Variants in LYAR observed in about 807,000 individuals in gnomAD.
LYAR encodes cell growth-regulating nucleolar protein.
Under a neutral mutation model 45.2 loss-of-function variants are expected in LYAR, and 37 were observed. The ratio of observed to expected loss-of-function variants is 0.82; its 90% CI spans 0.63 to 1.08. LYAR has a LOEUF of 1.08. Ranked by LOEUF, LYAR falls within the 50% of genes least tolerant of loss-of-function variation. The pLI is 0.00. For synonymous variants in LYAR, 176 were observed against 155.1 expected, an observed-to-expected ratio of 1.14 and a Z score of -1.00; for missense variants, 493 against 451.0, an observed-to-expected ratio of 1.09 and a Z score of -0.84.
rs1220084939 is a variant in LYAR at position 4,279,733 on chromosome 4, A to G, written c.254T>C (p.Ile85Thr). Residue 85 changes from isoleucine to threonine, a missense_variant, in exon 5 of 10, where the codon ATA becomes ACA. Transcript: ENST00000343470. The stretch of plus-strand genomic sequence containing the variant: ...TTTGGGGCTGACATTGGGTCTCTTT[A>G]TTAATTCACTAATTTTCTACAAAAA... ...QAWIQKISEL[I>T]KRPNVSPKVR... 1 of 1,602,172 alleles carries G rather than the reference A, an allele frequency of 6.2e-7. No homozygotes were observed. Among genetic ancestry groups the G allele is most frequent in the Admixed American group, 1.7e-5 (1 of 58,354 alleles).
At chr4:4,279,917 G>A (rs1482730472) in intron 4 of LYAR, among the ~76,000 whole-genome samples, 168 bp from the exon 5 acceptor site, 1 of 152,150 alleles carries the variant, frequency 6.6e-6, no homozygotes, top group Non-Finnish European at 1.5e-5. Context: ...TATTAACATA[G>A]TACTGGAGTC....
Position 4,274,694 on chromosome 4 carries a change from C to T in LYAR, c.505G>A (p.Val169Ile), listed in dbSNP as rs956087186. 1 of 1,614,046 alleles carries T rather than the reference C, an allele frequency of 6.2e-7. No homozygotes were observed. Among genetic ancestry groups the T allele is most frequent in the Admixed American group, 1.7e-5 (1 of 59,998 alleles). The part of the protein sequence containing the change: ...ANPHAEISTK[V>I]PASKVKDAVE... ...GCGTCTTTCACTTTGGAGGCTGGAA[C>T]CTTGGTGGAGATTTCTGCATGTGGA... Residue 169 changes from valine (V) to isoleucine (I), a missense_variant, in exon 7 of 10, where the codon GTT becomes ATT. Coordinates refer to ENST00000343470, the MANE Select transcript of LYAR (RefSeq NM_017816.3).
chr4:4,282,070 C>T (rs1230963740), intron 3 of LYAR, among the ~76,000 whole-genome samples, 173 bp from the exon 4 acceptor site: 8 of 152,226 alleles, frequency 5.3e-5, no homozygotes, highest in African/African-American at 1.9e-4. Context: ...GTCAGAACCA[C>T]ATCCCCCTTC....
intron 6 of LYAR, 151 bp downstream of exon 6, chr4:4,279,296 C>A (rs1034856280): frequency 3.3e-6 from 2 of 597,714 alleles, no homozygotes; most frequent in Admixed American, 3.0e-5. Flanking sequence ...CGCACCACTG[C>A]ACTGCAGCCT....
chr4:4,269,771 TG>T (rs1718860867), intron 8 of LYAR, among the ~76,000 whole-genome samples: 1 of 152,182 alleles, frequency 6.6e-6, no homozygotes, highest in Non-Finnish European at 1.5e-5. Flanking sequence ...CAATAAAAAA[TG>T]TAAGACTAGG....
At chr4:4,277,963 C>T (rs1719253647) in intron 6 of LYAR, among the ~76,000 whole-genome samples, 1 of 152,196 alleles carries the variant, frequency 6.6e-6, no homozygotes, top group African/African-American at 2.4e-5. Flanking sequence ...CTGCGTTTCG[C>T]AGAGCTCAGG....
chr4:4,282,455 G>A (rs116576773), intron 3 of LYAR, among the ~76,000 whole-genome samples: 2,749 of 152,226 alleles, frequency 0.018, 72 homozygotes, highest in African/African-American at 0.061. Context: ...GTCCCCTAAT[G>A]AAAACTCAAT....
chr4:4,288,555 G>A (rs1423861876), intron 1 of LYAR, among the ~76,000 whole-genome samples: 1 of 147,154 alleles, frequency 6.8e-6, no homozygotes, highest in Non-Finnish European at 1.5e-5. Context: ...GCGCAATCTC[G>A]GCTCACTGCA....
At chr4:4,288,673 A>G (rs529374723) in intron 1 of LYAR, among the ~76,000 whole-genome samples, 1 of 152,072 alleles carries the variant, frequency 6.6e-6, no homozygotes, top group Non-Finnish European at 1.5e-5. Flanking sequence ...TTTAGTAGAG[A>G]CGGAGTTTCA....
intron 8 of LYAR, among the ~76,000 whole-genome samples, chr4:4,270,501 T>C (rs993147590): frequency 2.7e-5 from 4 of 147,394 alleles, no homozygotes; most frequent in Non-Finnish European, 6.0e-5. Flanking sequence ...GAGTACTATT[T>C]AGAATAAATT....
At position 4,283,646 on chromosome 4, in the gene LYAR, A is replaced by C. The variant is rs1341325881; in HGVS notation, c.97T>G (p.Cys33Gly). ...SVCRNCECLS[C>G]IDCGKDFWGD... is the part of the protein sequence containing the mutation. ...CAGAAATCTTTACCGCAGTCAATGCAAGAAAGGCATTCACAGTTTCTGCAA... is the reference window on the plus strand; with the variant it reads ...CAGAAATCTTTACCGCAGTCAATGCCAGAAAGGCATTCACAGTTTCTGCAA... Residue 33 changes from cysteine (C) to glycine (G), a missense_variant, in exon 3 of 10, where the codon TGC becomes GGC. Physicochemically the swap from Cys to Gly is radical, Grantham distance 159. Transcript: ENST00000343470. 3 of 1,612,732 alleles carry C rather than the reference A, an allele frequency of 1.9e-6. No homozygotes were observed. Among genetic ancestry groups the C allele is most frequent in the Non-Finnish European group, 2.5e-6 (3 of 1,179,874 alleles).
At chr4:4,272,944 A>T (rs1344595012) in intron 8 of LYAR, among the ~76,000 whole-genome samples, 1 of 152,316 alleles carries the variant, frequency 6.6e-6, no homozygotes, top group East Asian at 1.9e-4. Flanking sequence ...GGCCTGAAGA[A>T]GCAGGAGAGA....
At position 4,273,657 on chromosome 4, in the gene LYAR, G is replaced by C. The variant is rs372542576; in HGVS notation, c.845C>G (p.Ser282Cys). 4 of 1,609,566 alleles carry C rather than the reference G, an allele frequency of 2.5e-6. No individual in the cohort carries two copies. In the African/African-American group the frequency reaches 5.4e-5, roughly 22 times the overall value. Residue 282 changes from serine to cysteine, a missense_variant, in exon 8 of 10, where the codon TCT (serine) becomes TGT (cysteine). Coordinates refer to ENST00000343470, the MANE Select transcript of LYAR (RefSeq NM_017816.3). ...KRRHSEVETD[S>C]KKKKMKLPEH... ...TGGGAGCTTCATCTTTTTCTTCTTA[G>C]AATCTGTTTCAACTAAGTATTTGGA...
intron 8 of LYAR, chr4:4,269,077 C>T (rs1158465273): frequency 2.0e-5 from 3 of 153,608 alleles, no homozygotes; most frequent in African/African-American, 7.2e-5. Context: ...CTTCCTCCTG[C>T]CCACTACAAC....
chr4:4,274,327 G>A (rs75010360), intron 7 of LYAR, 40 bp downstream of exon 7: 53,013 of 1,576,028 alleles, frequency 0.034, 2,603 homozygotes, highest in East Asian at 0.23. Flanking sequence ...CAGCTTTCCC[G>A]GTTTTCAGAT....
rs993382240 is a variant in LYAR, at chr4:4,274,384, T to C, written c.815A>G (p.Lys272Arg). Residue 272 changes from lysine to arginine, a missense_variant, in exon 7 of 10, where the codon AAG becomes AGG. Physicochemically the swap from Lys to Arg is conservative, Grantham distance 26. Coordinates refer to ENST00000343470, the MANE Select transcript of LYAR (RefSeq NM_017816.3). The part of the protein sequence containing the change: ...EEARVGAGKR[K>R]RRHSEVETDS... The stretch of plus-strand genomic sequence containing the variant: ...CCACTTACCTTCCGAGTGCCTCCGC[T>C]TCCTCTTCCCTGCGCCCACGCGTGC... The C allele has an allele frequency of 6.2e-7, 1 of 1,611,128 alleles. No homozygotes were observed. Among genetic ancestry groups the C allele is most frequent in the Non-Finnish European group, 8.5e-7 (1 of 1,178,170 alleles).
chr4:4,268,522 T>A lies in LYAR; in HGVS notation c.1005+8A>T. The A allele has an allele frequency of 6.3e-7, 1 of 1,598,322 alleles. No homozygotes were observed. Among genetic ancestry groups the A allele is most frequent in the Non-Finnish European group, 8.6e-7 (1 of 1,167,492 alleles). On this transcript the variant is annotated splice_region_variant and intron_variant, in intron 9 of 9. Coordinates refer to ENST00000343470, the MANE Select transcript of LYAR (RefSeq NM_017816.3). ...TGTTAGACACGTGGGTTTGTTCATA[T>A]GCCATACCTTTTTCCTTAGCTTTTT...
intron 8 of LYAR, among the ~76,000 whole-genome samples, chr4:4,273,012 G>A (rs1719003881): frequency 6.6e-6 from 1 of 152,188 alleles, no homozygotes; most frequent in South Asian, 2.1e-4. Context: ...ACTGGATTCT[G>A]AGGTTGAGGA....
At chr4:4,277,418 A>C (rs1032620077) in intron 6 of LYAR, among the ~76,000 whole-genome samples, 1 of 152,184 alleles carries the variant, frequency 6.6e-6, no homozygotes, top group African/African-American at 2.4e-5. Flanking sequence ...CCAGATTTTC[A>C]GCTGGTGCCT....
Sources: gnomAD v4.1 joint callset for allele counts (sites outside exome capture counted in the v4.1 genomes callset) on GRCh38, gnomAD v4.1.1 for gene constraint, MANE v1.5 for transcripts, NCBI Gene and HGNC (gene_info 2026-07-23, HGNC 2026-07-21) for gene names.